MMEL1: variants seen among roughly 807,000 people sequenced by gnomAD.
MMEL1 encodes membrane metallo-endopeptidase-like 1.
Under a neutral mutation model 117.1 loss-of-function variants are expected in MMEL1, and 98 were observed. That is an observed-to-expected ratio of 0.84 (90% CI 0.71 to 0.99). The LOEUF (loss-of-function observed/expected upper bound fraction) is 0.99. MMEL1 is among the 50% of genes least tolerant of loss of function. The pLI, the probability that MMEL1 is intolerant of heterozygous loss-of-function variation, is 0.00. For synonymous variants in MMEL1, 390 were observed against 415.1 expected, an observed-to-expected ratio of 0.94 and a Z score of 0.74; for missense variants, 1,014 against 1,049.1, an observed-to-expected ratio of 0.97 and a Z score of 0.46.
intron 11 of MMEL1, 92 bp from the exon 12 acceptor site, chr1:2,598,882 T>A: frequency 9.0e-7 from 1 of 1,117,126 alleles, no homozygotes; most frequent in Non-Finnish European, 1.3e-6. Flanking sequence ...TGTTGAAGAA[T>A]GTTCAAGGAA....
chr1:2,594,984 A>T, intron 16 of MMEL1, 91 bp from the exon 17 acceptor site: 1 of 1,124,898 alleles, frequency 8.9e-7, no homozygotes, highest in Non-Finnish European at 1.3e-6. Flanking sequence ...GAAGGACCTC[A>T]AGCCTTGCCA....
intron 7 of MMEL1, 140 bp from the exon 8 acceptor site, chr1:2,606,506 G>T: frequency 3.1e-6 from 2 of 635,918 alleles, no homozygotes; most frequent in Non-Finnish European, 2.7e-6. Flanking sequence ...TAGGGGCTGG[G>T]GGATGTGGGA....
chr1:2,628,851 G>A (rs897976290), intron 2 of MMEL1, among the ~76,000 whole-genome samples: 4 of 152,264 alleles, frequency 2.6e-5, no homozygotes, highest in Non-Finnish European at 5.9e-5. Flanking sequence ...GGCGGGGGCG[G>A]CAGGACCCTC....
chr1:2,605,742 G>A (rs1490102991), intron 8 of MMEL1, 119 bp from the exon 9 acceptor site: 1 of 717,580 alleles, frequency 1.4e-6, no homozygotes. Context: ...CTCTGCCCAG[G>A]AGCTGGTGGT....
At chr1:2,602,266 C>T (rs1479095997) in intron 11 of MMEL1, among the ~76,000 whole-genome samples, 2 of 152,052 alleles carry the variant, frequency 1.3e-5, no homozygotes, top group Admixed American at 6.5e-5. Flanking sequence ...TCGGTGGTCA[C>T]GTAAGTCTTG....
chr1:2,612,026 T>A lies in MMEL1; in HGVS notation c.232+101A>T, dbSNP rs762695135. ...ATGGCCCTCCTCCGGCACATGAGGG[T>A]TGGGCAGAACCCAGCCCCTGCCCCT... is the stretch of plus-strand genomic sequence containing the variant. On this transcript the variant is annotated intron_variant, in intron 3 of 23. Transcript: ENST00000378412. The surrounding 1 kb of genome is among the most constrained non-coding windows in gnomAD (Gnocchi z 5.4). The A allele has an allele frequency of 5.9e-6, 6 of 1,022,054 alleles. No individual in the cohort carries two copies. The highest frequency in any genetic ancestry group is 4.8e-5 in the African/African-American group (3 of 62,856). The allele number at this position is 1,022,054 out of a possible 1,614,324, so 63.3% of individuals were successfully genotyped here.
chr1:2,611,344 C>T lies in MMEL1; in HGVS notation c.233-4G>A, dbSNP rs772920479. 9 of 1,524,772 alleles carry T rather than the reference C, an allele frequency of 5.9e-6. No homozygotes were observed. In the African/African-American group the frequency reaches 7.1e-5, roughly 12 times the overall value. 94.5% of individuals were successfully genotyped at this position (1,524,772 alleles called of 1,614,324 possible). A position where few individuals can be genotyped will look rare whatever the true frequency, so the allele number is the denominator to read the frequency against. ...ACCTCTTGGGCCTCTGGGATCCCTG[C>T]GGGCAAGGAGCAGCCTGAGCACCGG... On this transcript the variant is annotated splice_polypyrimidine_tract_variant and splice_region_variant and intron_variant, in intron 3 of 23. Transcript: ENST00000378412.
chr1:2,629,271 A>G, intron 2 of MMEL1, 60 bp downstream of exon 2: 1 of 1,478,404 alleles, frequency 6.8e-7, no homozygotes. Context: ...CAGCAGGTGC[A>G]GCGGGGCGAG....
In MMEL1 at chr1:2,612,406, CT is replaced by C. The variant is rs1036054955; in HGVS notation, c.155-203del. Reference sequence around the variant, plus strand: ...GGGGCCAGCTTCAATCTGTGTCCTGCTGGGCTTGAATGGGGGGCGGTTTGCC... The same window carrying C: ...GGGGCCAGCTTCAATCTGTGTCCTGCGGGCTTGAATGGGGGGCGGTTTGCC... On this transcript the variant is annotated intron_variant, in intron 2 of 23. Transcript: ENST00000378412. The surrounding 1 kb of genome is among the most constrained non-coding windows in gnomAD (Gnocchi z 5.4). Among the ~76,000 whole-genome samples the C allele has an allele frequency of 5.3e-5, 8 of 152,166 alleles. No homozygotes were observed. The highest frequency in any genetic ancestry group is 1.4e-4 in the African/African-American group (6 of 41,440).
At chr1:2,593,284 A>G (rs942052352) in intron 19 of MMEL1, among the ~76,000 whole-genome samples, 1 of 152,158 alleles carries the variant, frequency 6.6e-6, no homozygotes, top group Non-Finnish European at 1.5e-5. Flanking sequence ...CCCAAACTCT[A>G]AGTTCCAGGC....
chr1:2,614,061 G>A (rs1459486736), intron 2 of MMEL1, among the ~76,000 whole-genome samples: 1 of 152,154 alleles, frequency 6.6e-6, no homozygotes, highest in Non-Finnish European at 1.5e-5. Context: ...AATAGTGAAT[G>A]CATTTGGCAG....
chr1:2,602,698 C>A (rs543449265), intron 11 of MMEL1, among the ~76,000 whole-genome samples: 1 of 152,330 alleles, frequency 6.6e-6, no homozygotes, highest in South Asian at 2.1e-4. Flanking sequence ...TCGGACACGG[C>A]ATCCCCCGCT....
intron 1 of MMEL1, among the ~76,000 whole-genome samples, chr1:2,630,706 CGT>C (rs879442443): frequency 5.9e-5 from 8 of 135,656 alleles, no homozygotes; most frequent in African/African-American, 1.2e-4. Flanking sequence ...CGTGTGTGCA[CGT>C]GTGTGACTGT....
At chr1:2,603,036 G>A (rs534855320) in intron 11 of MMEL1, among the ~76,000 whole-genome samples, 1 of 152,360 alleles carries the variant, frequency 6.6e-6, no homozygotes, top group South Asian at 2.1e-4. Flanking sequence ...GGGCAGCGGG[G>A]TGTTGGGGAA....
At chr1:2,627,349 A>AT (rs747215345) in intron 2 of MMEL1, among the ~76,000 whole-genome samples, 1 of 152,226 alleles carries the variant, frequency 6.6e-6, no homozygotes, top group Non-Finnish European at 1.5e-5. Flanking sequence ...TCAGTACATG[A>AT]TTTTAAGAAA....
At chr1:2,601,269 G>C (rs949940518) in intron 11 of MMEL1, among the ~76,000 whole-genome samples, 2 of 152,146 alleles carry the variant, frequency 1.3e-5, no homozygotes, top group Non-Finnish European at 2.9e-5. Flanking sequence ...GACCAGTGGG[G>C]CAAAAGAGAG....
At chr1:2,615,255 C>G (rs1167016332) in intron 2 of MMEL1, among the ~76,000 whole-genome samples, 1 of 152,184 alleles carries the variant, frequency 6.6e-6, no homozygotes, top group Non-Finnish European at 1.5e-5. Flanking sequence ...AGCGCAGAAA[C>G]CAGACACTAC....
rs1262586094 is a variant in MMEL1, at chr1:2,605,634, A to G, written c.751-11T>C. 6.2e-7 allele frequency: 1 copy of G among 1,610,910 alleles called. No individual in the cohort carries two copies. The highest frequency in any genetic ancestry group is 1.1e-5 in the South Asian group (1 of 90,934). On this transcript the variant is annotated splice_polypyrimidine_tract_variant and intron_variant, in intron 8 of 23. Transcript: ENST00000378412. ...GGTGGGCTGGTCTATCTGGAAATAC[A>G]GAAGGTGTGACCCTGGGCAAGGGGC...
At chr1:2,591,882 A>G in intron 22 of MMEL1, 50 bp downstream of exon 22, 1 of 1,562,944 alleles carries the variant, frequency 6.4e-7, no homozygotes, top group African/African-American at 1.4e-5. Flanking sequence ...GGCCCTCCAG[A>G]GATGAGTGGG....
Sources: allele counts gnomAD v4.1 joint callset (sites outside exome capture counted in the v4.1 genomes callset), GRCh38; gene constraint gnomAD v4.1.1; non-coding constraint Gnocchi (gnomAD v3.1); transcripts MANE v1.5; gene names NCBI Gene and HGNC (gene_info 2026-07-23, HGNC 2026-07-21).